Variants in DEPTOR observed in about 807,000 individuals in gnomAD.
DEPTOR encodes DEP domain-containing mTOR-interacting protein.
DEPTOR carries 41 observed loss-of-function variants against 41.6 expected under a neutral mutation model. That is an observed-to-expected ratio of 0.98 (90% confidence interval 0.77 to 1.28). The LOEUF (loss-of-function observed/expected upper bound fraction) is 1.28, where lower values mean the gene tolerates loss of function less well. DEPTOR is among the 50% of genes most tolerant of loss of function. The pLI is 0.00. For missense variants in DEPTOR, 514 were observed against 527.9 expected, an observed-to-expected ratio of 0.97 and a Z score of 0.26; for synonymous variants, 195 against 192.3, an observed-to-expected ratio of 1.01 and a Z score of -0.12.
intron 6 of DEPTOR, 25 bp downstream of exon 6, chr8:120,003,136 C>T (rs1476755696): frequency 6.2e-7 from 1 of 1,605,582 alleles, no homozygotes. Context: ...GGTGGCCCCG[C>T]TCCTAAGACT....
intron 4 of DEPTOR, among the ~76,000 whole-genome samples, chr8:119,978,460 A>G (rs1828723783): frequency 6.6e-6 from 1 of 152,188 alleles, no homozygotes; most frequent in Non-Finnish European, 1.5e-5. Context: ...TGTGGTATTA[A>G]GTTCCAGTTC....
chr8:120,021,623 A>G (rs7821583), intron 8 of DEPTOR, among the ~76,000 whole-genome samples: 129,113 of 152,116 alleles, frequency 0.85, 55,189 homozygotes, highest in African/African-American at 0.95. Context: ...AGAGGGAGAG[A>G]GTCTATGTAA....
At chr8:120,005,350 G>A (rs539149243) in intron 6 of DEPTOR, among the ~76,000 whole-genome samples, 1 of 152,312 alleles carries the variant, frequency 6.6e-6, no homozygotes, top group South Asian at 2.1e-4. Flanking sequence ...ATTTCTGAAA[G>A]CAAAGGTGAT....
At position 119,984,176 on chromosome 8, in the gene DEPTOR, C is replaced by T. The variant is rs1228960986; in HGVS notation, c.605-17349C>T. On this transcript the variant is annotated intron_variant, in intron 4 of 8. Coordinates refer to ENST00000286234, the MANE Select transcript of DEPTOR (RefSeq NM_022783.4). ...TACCTTGGAAAGATATCCTTTTGGCCCTGACACCCTGGGCCCTTGCATGGA... is the reference window on the plus strand; with the variant it reads ...TACCTTGGAAAGATATCCTTTTGGCTCTGACACCCTGGGCCCTTGCATGGA... 2.0e-5 allele frequency among the ~76,000 whole-genome samples: 3 copies of T among 152,018 alleles called. No homozygotes were observed. In the South Asian group the frequency reaches 6.2e-4, roughly 32 times the overall value.
intron 3 of DEPTOR, among the ~76,000 whole-genome samples, chr8:119,964,761 G>C (rs1251767652): frequency 6.6e-6 from 1 of 151,960 alleles, no homozygotes; most frequent in Admixed American, 6.6e-5. Flanking sequence ...AGGAGAAAAT[G>C]CATCTTGTTT....
At chr8:119,972,904 T>C (rs902544809) in intron 4 of DEPTOR, among the ~76,000 whole-genome samples, 2 of 152,076 alleles carry the variant, frequency 1.3e-5, no homozygotes, top group African/African-American at 2.4e-5. Context: ...GACCTTGAGA[T>C]TTTTGGGTAA....
intron 8 of DEPTOR, among the ~76,000 whole-genome samples, chr8:120,042,998 G>A (rs1813100982): frequency 6.6e-6 from 1 of 151,956 alleles, no homozygotes; most frequent in Admixed American, 6.6e-5. Flanking sequence ...TTACAGGTAT[G>A]TACCACCATG....
At chr8:119,906,408 ATTATGCCACTGCAC>A (rs1483340679) in intron 1 of DEPTOR, among the ~76,000 whole-genome samples, 1 of 152,074 alleles carries the variant, frequency 6.6e-6, no homozygotes, top group East Asian at 1.9e-4. Context: ...GTGAGCCAAG[ATTATGCCACTGCAC>A]TCCAGCCTGA....
At chr8:119,965,777 G>A (rs1442380374) in intron 4 of DEPTOR, among the ~76,000 whole-genome samples, 1 of 152,196 alleles carries the variant, frequency 6.6e-6, no homozygotes, top group Non-Finnish European at 1.5e-5. Flanking sequence ...ATAATATGGA[G>A]TTGGGAAGTG....
chr8:120,034,709 CA>C (rs1812951891), intron 8 of DEPTOR, among the ~76,000 whole-genome samples: 1 of 152,032 alleles, frequency 6.6e-6, no homozygotes, highest in African/African-American at 2.4e-5. Context: ...CTCAGCCTCC[CA>C]AAGTGCTGGG....
chr8:119,930,322 C>T (rs1039576296), intron 3 of DEPTOR, among the ~76,000 whole-genome samples: 5 of 152,098 alleles, frequency 3.3e-5, no homozygotes, highest in African/African-American at 4.8e-5. Context: ...CTGCAACCTC[C>T]GTCTTCTGGG....
chr8:119,891,119 C>G (rs982631505), intron 1 of DEPTOR: 2 of 151,958 alleles, frequency 1.3e-5, no homozygotes, highest in Non-Finnish European at 2.9e-5. Flanking sequence ...AATCTTGGCT[C>G]ACTGGAACAT....
In DEPTOR at chr8:119,946,670, G is replaced by A. The variant is rs570059771; in HGVS notation, c.425+16732G>A. 3.9e-5 allele frequency among the ~76,000 whole-genome samples: 6 copies of A among 152,138 alleles called. No homozygotes were observed. The South Asian group carries it at 1.2e-3, about 32-fold the overall frequency. On this transcript the variant is annotated intron_variant, in intron 3 of 8. Coordinates refer to ENST00000286234, the MANE Select transcript of DEPTOR (RefSeq NM_022783.4). ...GATCACTTGAACCTGGGAGGTGGAGGTTGCGGTGAGCCGAGATTGTACCAT... is the reference window on the plus strand; with the variant it reads ...GATCACTTGAACCTGGGAGGTGGAGATTGCGGTGAGCCGAGATTGTACCAT...
At chr8:119,876,870 C>A (rs1159729058) in intron 1 of DEPTOR, among the ~76,000 whole-genome samples, 1 of 152,086 alleles carries the variant, frequency 6.6e-6, no homozygotes, top group African/African-American at 2.4e-5. Flanking sequence ...CATGGAGTTG[C>A]GAGAATTTGC....
intron 8 of DEPTOR, among the ~76,000 whole-genome samples, chr8:120,018,981 G>A (rs1291715562): frequency 6.6e-6 from 1 of 152,200 alleles, no homozygotes; most frequent in Non-Finnish European, 1.5e-5. Flanking sequence ...GGGGTTTATA[G>A]CCTAGAGAGG....
At chr8:119,955,456 A>G (rs940268841) in intron 3 of DEPTOR, among the ~76,000 whole-genome samples, 15 of 151,578 alleles carry the variant, frequency 9.9e-5, no homozygotes, top group African/African-American at 3.4e-4. Flanking sequence ...CCATTTTGAC[A>G]TAATTTTTTT....
chr8:120,013,241 C>T (rs1812559638), intron 8 of DEPTOR, among the ~76,000 whole-genome samples: 1 of 151,450 alleles, frequency 6.6e-6, no homozygotes, highest in South Asian at 2.1e-4. Context: ...CAGTGCATGA[C>T]TATACAGAGA....
Position 120,049,825 on chromosome 8 carries a change from C to G in DEPTOR, c.*121C>G. On this transcript the variant is annotated 3_prime_UTR_variant, in exon 9 of 9. Coordinates refer to ENST00000286234, the MANE Select transcript of DEPTOR (RefSeq NM_022783.4). The stretch of plus-strand genomic sequence containing the variant: ...GTTTTGGACATACGAGTCTTCTCCG[C>G]ACATACATGTCTAAAGTTGAGTTTT... 7.9e-7 allele frequency: 1 copy of G among 1,272,288 alleles called. No homozygotes were observed. The highest frequency in any genetic ancestry group is 2.5e-5 in the East Asian group (1 of 39,880). 78.8% of individuals were successfully genotyped at this position (1,272,288 alleles called of 1,614,324 possible). A position where few individuals can be genotyped will look rare whatever the true frequency, so the allele number is the denominator to read the frequency against.
intron 8 of DEPTOR, among the ~76,000 whole-genome samples, chr8:120,023,421 A>G (rs1812752980): frequency 6.6e-6 from 1 of 151,968 alleles, no homozygotes; most frequent in Non-Finnish European, 1.5e-5. Flanking sequence ...TTGTATTTTT[A>G]GTAGATACGG....
Sources: allele counts gnomAD v4.1 joint callset (sites outside exome capture counted in the v4.1 genomes callset), GRCh38; gene constraint gnomAD v4.1.1; transcripts MANE v1.5; gene names NCBI Gene and HGNC (gene_info 2026-07-23, HGNC 2026-07-21).